PLEKHA8: variants seen among roughly 807,000 people sequenced by gnomAD.
PLEKHA8 encodes the protein pleckstrin homology domain containing A8.
In PLEKHA8, 36 loss-of-function variants were observed where a neutral mutation model predicts 68.2. The observed-to-expected ratio is 0.53, with a 90% CI of 0.40 to 0.70. PLEKHA8 has a LOEUF of 0.70. PLEKHA8 is among the 30% of genes least tolerant of loss of function. The pLI is 0.00. For synonymous variants in PLEKHA8, 211 were observed against 216.1 expected, an observed-to-expected ratio of 0.98 and a Z score of 0.20; for missense variants, 505 against 615.4, an observed-to-expected ratio of 0.82 and a Z score of 1.90.
rs763419642 is a variant in PLEKHA8 at position 30,059,069 on chromosome 7, C to T, written c.1040-1815C>T. ...CTGGGATATCAAGGCTGCAGTGAGC[C>T]GTGGCTGCACCACTGCACTCCATCC... On this transcript the variant is annotated intron_variant, in intron 9 of 13. Coordinates refer to ENST00000449726, the MANE Select transcript of PLEKHA8 (RefSeq NM_001197026.2). Among the ~76,000 whole-genome samples the T allele has an allele frequency of 7.9e-5, 12 of 152,172 alleles. 1 individual carries two copies. Among genetic ancestry groups the T allele is most frequent in the Middle Eastern group, 3.2e-3 (1 of 316 alleles).
chr7:30,079,315 G>A lies in PLEKHA8; in HGVS notation c.*528G>A, dbSNP rs147885732. ...TCTGTCAGTGATAAGGGCCTGTGTA[G>A]TAAAGATGTTCAGGGCATTCACATG... On this transcript the variant is annotated 3_prime_UTR_variant, in exon 14 of 14. Coordinates refer to ENST00000449726, the MANE Select transcript of PLEKHA8 (RefSeq NM_001197026.2). 6.6e-5 allele frequency: 65 copies of A among 987,046 alleles called. No individual in the cohort carries two copies. In the African/African-American group the frequency reaches 1.1e-3, roughly 16 times the overall value. The allele number at this position is 987,046 out of a possible 1,614,324, so 61.1% of individuals were successfully genotyped here.
In PLEKHA8 at chr7:30,081,864, G is replaced by C. The variant is rs1195425490; in HGVS notation, c.*3077G>C. ...AGTGTTTACACTTTGTAGGGATCAG[G>C]GTGTATTTGTTGAATTAAACAAAAT... On this transcript the variant is annotated 3_prime_UTR_variant, in exon 14 of 14. Coordinates refer to ENST00000449726, the MANE Select transcript of PLEKHA8 (RefSeq NM_001197026.2). 1.0e-6 allele frequency: 1 copy of C among 985,162 alleles called. No homozygotes were observed. The highest frequency in any genetic ancestry group is 1.1e-4 in the East Asian group (1 of 8,826). 61.0% of individuals were successfully genotyped at this position (985,162 alleles called of 1,614,324 possible). A position where few individuals can be genotyped will look rare whatever the true frequency, so the allele number is the denominator to read the frequency against.
chr7:30,050,392 A>G (rs765896596), intron 5 of PLEKHA8, 42 bp from the exon 6 acceptor site: 19 of 1,546,124 alleles, frequency 1.2e-5, no homozygotes, highest in African/African-American at 2.8e-5. Context: ...GCTCTGTTCA[A>G]AGTTTAACAT....
downstream of PLEKHA8, among the ~76,000 whole-genome samples, chr7:30,087,147 G>T (rs1443010467): frequency 6.6e-6 from 1 of 152,174 alleles, no homozygotes; most frequent in Non-Finnish European, 1.5e-5. Context: ...TTTAGATATT[G>T]TGAAGTCAAA....
At chr7:30,120,863 G>C (rs56126559) in intron 13 of PLEKHA8, among the ~76,000 whole-genome samples, 1 of 152,212 alleles carries the variant, frequency 6.6e-6, no homozygotes, top group African/African-American at 2.4e-5. Context: ...GAATGATCAT[G>C]TAACTGATCA....
chr7:30,047,809 A>T, intron 3 of PLEKHA8, 23 bp from the exon 4 acceptor site: 2 of 1,603,980 alleles, frequency 1.2e-6, no homozygotes, highest in Non-Finnish European at 1.7e-6. Flanking sequence ...TGGTTACTGC[A>T]TTATCATCAT....
In PLEKHA8 at chr7:30,045,206, G is replaced by T; in HGVS notation, c.157+5G>T. The T allele has an allele frequency of 6.3e-7, 1 of 1,576,324 alleles. No individual in the cohort carries two copies. The highest frequency in any genetic ancestry group is 2.2e-5 in the East Asian group (1 of 44,494). On this transcript the variant is annotated splice_donor_5th_base_variant and intron_variant, in intron 2 of 13. Transcript: ENST00000449726. ...TGGCAGTCTGTGAAATTCAAGGTGA[G>T]AAATCAAGCAACTTGCAAGTTTTAT... is the stretch of plus-strand genomic sequence containing the variant.
At chr7:30,110,059 A>G (rs1796218960) in intron 13 of PLEKHA8, among the ~76,000 whole-genome samples, 1 of 152,198 alleles carries the variant, frequency 6.6e-6, no homozygotes, top group Non-Finnish European at 1.5e-5. Context: ...CCCACTTAGC[A>G]TATATAATTC....
In PLEKHA8 at chr7:30,054,691, A is replaced by T. The variant is rs774977275; in HGVS notation, c.797-18A>T. Reference sequence around the variant, plus strand: ...TAAATATATAATAGGTTAGTAATAGATATTTTCTACTTTGCAGTCCAAGGT... The same window carrying T: ...TAAATATATAATAGGTTAGTAATAGTTATTTTCTACTTTGCAGTCCAAGGT... On this transcript the variant is annotated intron_variant, in intron 7 of 13. Coordinates refer to ENST00000449726, the MANE Select transcript of PLEKHA8 (RefSeq NM_001197026.2). 1 of 1,488,460 alleles carries T rather than the reference A, an allele frequency of 6.7e-7. No homozygotes were observed. The highest frequency in any genetic ancestry group is 1.4e-5 in the African/African-American group (1 of 70,382). The allele number at this position is 1,488,460 out of a possible 1,614,324, so 92.2% of individuals were successfully genotyped here.
Position 30,028,759 on chromosome 7 carries a change from C to T in PLEKHA8, c.-4C>T. 1 of 1,265,054 alleles carries T rather than the reference C, an allele frequency of 7.9e-7. No individual in the cohort carries two copies. The highest frequency in any genetic ancestry group is 1.0e-6 in the Non-Finnish European group (1 of 999,380). The allele number at this position is 1,265,054 out of a possible 1,614,324, so 78.4% of individuals were successfully genotyped here. A position where few individuals can be genotyped will look rare whatever the true frequency, so the allele number is the denominator to read the frequency against. ...CGGGCGTGGGCCGAGTGGCCGCGGGCGCCATGGAGGGGGTGCTGTACAAGT... is the reference window on the plus strand; with the variant it reads ...CGGGCGTGGGCCGAGTGGCCGCGGGTGCCATGGAGGGGGTGCTGTACAAGT... On this transcript the variant is annotated 5_prime_UTR_variant, in exon 1 of 14. Coordinates refer to ENST00000449726, the MANE Select transcript of PLEKHA8 (RefSeq NM_001197026.2).
At chr7:30,095,211 G>A (rs1328668944), downstream of PLEKHA8, among the ~76,000 whole-genome samples, 11 of 152,170 alleles carry the variant, frequency 7.2e-5, no homozygotes, top group South Asian at 8.3e-4. Context: ...TTTAAAGATC[G>A]CCATGCTAAC....
At position 30,084,620 on chromosome 7, in the gene PLEKHA8, C is replaced by T. The variant is rs553694766; in HGVS notation, c.*5833C>T. On this transcript the variant is annotated 3_prime_UTR_variant, in exon 14 of 14. Coordinates refer to ENST00000449726, the MANE Select transcript of PLEKHA8 (RefSeq NM_001197026.2). ...GAAAATATCTGTCAGATTTTATATT[C>T]GTTAGTTATAATAAACTTATTTTTA... 1.8e-5 allele frequency: 17 copies of T among 934,338 alleles called. No individual in the cohort carries two copies. The East Asian group carries it at 1.4e-3, about 77-fold the overall frequency. The allele number at this position is 934,338 out of a possible 1,614,324, so 57.9% of individuals were successfully genotyped here.
At chr7:30,089,282 TA>T (rs1234797748), downstream of PLEKHA8, among the ~76,000 whole-genome samples, 12 of 152,232 alleles carry the variant, frequency 7.9e-5, no homozygotes, top group Non-Finnish European at 1.5e-4. Flanking sequence ...AAGAATCACT[TA>T]TCCAAGTGTC....
rs150857358 is a variant in PLEKHA8, at chr7:30,058,368, G to A, written c.1040-2516G>A. Among the ~76,000 whole-genome samples the A allele has an allele frequency of 5.4e-3, 816 of 151,904 alleles. 4 individuals are homozygous for A. Among genetic ancestry groups the A allele is most frequent in the African/African-American group, 0.019 (774 of 41,456 alleles). On this transcript the variant is annotated intron_variant, in intron 9 of 13. Transcript: ENST00000449726. ...AATCTTTACCTATCCCAAAGGTCAT[G>A]AAGATATTCTGTTTTCTTCTAGACT...
At chr7:30,064,601 A>C (rs967619191) in intron 12 of PLEKHA8, among the ~76,000 whole-genome samples, 1 of 152,178 alleles carries the variant, frequency 6.6e-6, no homozygotes, top group Non-Finnish European at 1.5e-5. Context: ...ATTAGCATCT[A>C]TTGTTGTGAT....
chr7:30,072,593 C>T (rs1794313887), intron 12 of PLEKHA8, among the ~76,000 whole-genome samples: 1 of 152,212 alleles, frequency 6.6e-6, no homozygotes, highest in South Asian at 2.1e-4. Flanking sequence ...TCCTGTGAAC[C>T]ACGTTGCTTT....
intron 13 of PLEKHA8, among the ~76,000 whole-genome samples, chr7:30,114,791 G>A (rs1796376138): frequency 6.6e-6 from 1 of 152,180 alleles, no homozygotes; most frequent in South Asian, 2.1e-4. Context: ...ATCACCAGAT[G>A]TGGAACTCTT....
intron 1 of PLEKHA8, among the ~76,000 whole-genome samples, chr7:30,042,277 A>C (rs79154285): frequency 0.01 from 1,595 of 152,264 alleles, 22 homozygotes; most frequent in East Asian, 0.04. Flanking sequence ...TAGTTACTTA[A>C]AATTTCATTA....
intron 13 of PLEKHA8, chr7:30,115,899 CATGTAT>C (rs1562558296): frequency 7.2e-6 from 1 of 139,828 alleles, no homozygotes; most frequent in Non-Finnish European, 1.6e-5. Flanking sequence ...CGTATACATG[CATGTAT>C]ACATGCATGC....
Sources: gnomAD v4.1 joint callset for allele counts (sites outside exome capture counted in the v4.1 genomes callset) on GRCh38, gnomAD v4.1.1 for gene constraint, MANE v1.5 for transcripts, NCBI Gene and HGNC (gene_info 2026-07-23, HGNC 2026-07-21) for gene names.